Variants in DEAF1 observed in about 807,000 individuals in gnomAD.
DEAF1 encodes DEAF1 transcription factor, also known as deformed epidermal autoregulatory factor 1 homolog.
In DEAF1, 53 loss-of-function variants were observed where a neutral mutation model predicts 58.9. That is an observed-to-expected ratio of 0.90 (90% CI 0.72 to 1.13). The LOEUF is 1.13. Ranked by LOEUF, DEAF1 falls within the 50% of genes most tolerant of loss-of-function variation. The probability of loss-of-function intolerance (pLI) is 0.00; values close to 1 mark genes in which losing one functional copy is unlikely to be tolerated. For missense variants in DEAF1, 685 were observed against 791.4 expected (o/e 0.87, Z 1.61); for synonymous variants, 385 against 340.4 (o/e 1.13, Z -1.44).
chr11:702,979 G>C, intron 1 of DEAF1: 1 of 1,610,180 alleles, frequency 6.2e-7, no homozygotes, highest in Non-Finnish European at 8.5e-7. Flanking sequence ...CTGAGAGGCC[G>C]CTGGCCGCCA....
upstream of DEAF1, among the ~76,000 whole-genome samples, chr11:696,853 G>A (rs1485858845): frequency 8.9e-6 from 1 of 112,356 alleles, no homozygotes; most frequent in East Asian, 2.6e-4. Context: ...GCCAAAGCGG[G>A]CGGATCACCT....
Position 688,475 on chromosome 11 carries a change from C to A in DEAF1, c.388-15G>T. The A allele has an allele frequency of 6.2e-7, 1 of 1,613,422 alleles. No individual in the cohort carries two copies. The highest frequency in any genetic ancestry group is 1.1e-5 in the South Asian group (1 of 91,076). ...GTCCTACCAGACTAGAAGGAAAAAC[C>A]GCTCCGTCAGGTCACGTCCGAGAGT... On this transcript the variant is annotated splice_polypyrimidine_tract_variant and intron_variant, in intron 2 of 11. Coordinates refer to ENST00000382409, the MANE Select transcript of DEAF1 (RefSeq NM_021008.4). This position sits in a 1 kb window ranked among gnomAD's most constrained non-coding sequence, Gnocchi z 4.3.
At chr11:670,886 T>C (rs1307375147) in intron 10 of DEAF1, among the ~76,000 whole-genome samples, 3 of 144,980 alleles carry the variant, frequency 2.1e-5, no homozygotes, top group Non-Finnish European at 4.5e-5. Context: ...CAAGCAATCC[T>C]CACGTTTCAG....
chr11:680,094 A>G (rs1406147149), intron 7 of DEAF1: 2 of 504,250 alleles, frequency 4.0e-6, no homozygotes, highest in Non-Finnish European at 7.2e-6. Context: ...CAGAAAACAA[A>G]CATAAAATAA....
At chr11:684,451 T>C (rs1041332096) in intron 6 of DEAF1, among the ~76,000 whole-genome samples, 1 of 150,968 alleles carries the variant, frequency 6.6e-6, no homozygotes, top group Non-Finnish European at 1.5e-5. Flanking sequence ...TTATTTTGGG[T>C]CTTTGTGAAG....
At chr11:703,588 T>C (rs1861597165) in intron 1 of DEAF1, 1 of 1,233,266 alleles carries the variant, frequency 8.1e-7, no homozygotes, top group Admixed American at 4.2e-5. Context: ...GAGATCCCAG[T>C]TTACTCCGTG....
At chr11:703,363 G>C in intron 1 of DEAF1, 1 of 1,394,652 alleles carries the variant, frequency 7.2e-7, no homozygotes, top group South Asian at 1.8e-5. Flanking sequence ...AACAGCTGCG[G>C]GGAGGGTAGG....
chr11:664,354 G>C (rs1017689081), intron 10 of DEAF1, among the ~76,000 whole-genome samples: 1 of 152,154 alleles, frequency 6.6e-6, no homozygotes, highest in African/African-American at 2.4e-5. Flanking sequence ...CCAAGCCATG[G>C]CACTGAGAGG....
intron 7 of DEAF1, 61 bp downstream of exon 7, chr11:680,902 G>A (rs1007458640): frequency 2.1e-5 from 34 of 1,611,306 alleles, no homozygotes; most frequent in Admixed American, 8.3e-5. Context: ...GAGTGGTGAC[G>A]AGAGAAGGCA....
chr11:673,346 GT>G (rs1469919878), intron 10 of DEAF1, among the ~76,000 whole-genome samples: 1 of 151,884 alleles, frequency 6.6e-6, no homozygotes, highest in Non-Finnish European at 1.5e-5. Flanking sequence ...GGGCAACATG[GT>G]AAAACCCCGT....
intron 10 of DEAF1, among the ~76,000 whole-genome samples, chr11:655,177 A>G (rs1192572829): frequency 2.6e-5 from 4 of 152,130 alleles, no homozygotes; most frequent in Non-Finnish European, 4.4e-5. Context: ...ACCGCTCCCA[A>G]CACTCCTGAG....
At chr11:694,612 G>T in intron 1 of DEAF1, 147 bp downstream of exon 1, 1 of 719,980 alleles carries the variant, frequency 1.4e-6, no homozygotes, top group Non-Finnish European at 2.0e-6. Flanking sequence ...GGGCAGGTGT[G>T]CAGGGCGGGT....
chr11:675,768 C>T (rs763090157), intron 9 of DEAF1, among the ~76,000 whole-genome samples: 2 of 151,918 alleles, frequency 1.3e-5, no homozygotes, highest in African/African-American at 2.4e-5. Flanking sequence ...TGTGGTGAGC[C>T]GAGATGGTGC....
At chr11:648,195 C>CCTT (rs1157709307) in intron 11 of DEAF1, among the ~76,000 whole-genome samples, 1 of 126,206 alleles carries the variant, frequency 7.9e-6, no homozygotes, top group East Asian at 2.3e-4. Context: ...ATTATCACTG[C>CCTT]CTTTTTTTTT....
rs545187186 is a variant in DEAF1 at position 648,332 on chromosome 11, C to T, written c.1594-3678G>A. 5.9e-5 allele frequency among the ~76,000 whole-genome samples: 9 copies of T among 151,766 alleles called. No homozygotes were observed. The East Asian group carries it at 7.7e-4, about 13-fold the overall frequency. On this transcript the variant is annotated intron_variant, in intron 11 of 11. Coordinates refer to ENST00000382409, the MANE Select transcript of DEAF1 (RefSeq NM_021008.4). ...GCCTCAGCCTCCCGAGTACCTGGGA[C>T]TACAGGCGCCCACCACCACGCCAAG...
chr11:662,876 G>A (rs892684253), intron 10 of DEAF1, among the ~76,000 whole-genome samples: 1 of 152,068 alleles, frequency 6.6e-6, no homozygotes, highest in Admixed American at 6.6e-5. Context: ...CCCTCAGCAC[G>A]GCAGCAGGGG....
At chr11:665,107 C>A (rs370332181) in intron 10 of DEAF1, among the ~76,000 whole-genome samples, 3 of 125,094 alleles carry the variant, frequency 2.4e-5, no homozygotes, top group Non-Finnish European at 5.2e-5. Flanking sequence ...CTATTCACAC[C>A]GAGAGGAGGA....
At position 680,974 on chromosome 11, in the gene DEAF1, G is replaced by T; in HGVS notation, c.986C>A (p.Ala329Glu). The T allele has an allele frequency of 6.2e-7, 1 of 1,614,148 alleles. No homozygotes were observed. Among genetic ancestry groups the T allele is most frequent in the Non-Finnish European group, 8.5e-7 (1 of 1,180,016 alleles). ...PKNITLLPAT[A>E]ATTFTVTPSG... ...TTTCTCAAACTCACAGGTGGTAGCC[G>T]CGGTGGCTGGAAGCAATGTGATGTT... The change falls in exon 7 of 12, where the codon GCG becomes GAG. Residue 329 changes from alanine (A) to glutamate (E), a missense_variant. By Grantham distance (107) the Ala-to-Glu change is moderately radical. Transcript: ENST00000382409.
chr11:699,268 G>A, upstream of DEAF1: 1 of 270,426 alleles, frequency 3.7e-6, no homozygotes, highest in Non-Finnish European at 7.2e-6. Context: ...TCTCACCCAG[G>A]CTGGAGTGTG....
Sources: gnomAD v4.1 joint callset for allele counts (sites outside exome capture counted in the v4.1 genomes callset) on GRCh38, gnomAD v4.1.1 for gene constraint, Gnocchi (gnomAD v3.1) non-coding constraint, MANE v1.5 for transcripts, NCBI Gene and HGNC (gene_info 2026-07-23, HGNC 2026-07-21) for gene names.